MAPK9: variants seen among roughly 807,000 people sequenced by gnomAD.
MAPK9 encodes the protein mitogen-activated protein kinase 9.
Under a neutral mutation model 57.1 loss-of-function variants are expected in MAPK9, and 30 were observed. The observed-to-expected ratio is 0.53, with a 90% CI of 0.39 to 0.71. The LOEUF is 0.71. MAPK9 is among the 30% of genes least tolerant of loss of function. The pLI is 0.00. For synonymous variants in MAPK9, 155 were observed against 177.0 expected (o/e 0.88, Z 0.99); for missense variants, 362 against 521.0 (o/e 0.69, Z 2.97).
intron 7 of MAPK9, among the ~76,000 whole-genome samples, chr5:180,243,483 T>G (rs907152081): frequency 1.3e-5 from 2 of 152,168 alleles, no homozygotes; most frequent in Non-Finnish European, 2.9e-5. Flanking sequence ...TTGTTAGGCT[T>G]GGGATAATTA....
At chr5:180,267,827 A>G (rs1760797080) in intron 3 of MAPK9, among the ~76,000 whole-genome samples, 1 of 152,024 alleles carries the variant, frequency 6.6e-6, no homozygotes, top group Non-Finnish European at 1.5e-5. Flanking sequence ...AACAAAACAA[A>G]AAAAACCAGA....
intron 5 of MAPK9, among the ~76,000 whole-genome samples, chr5:180,252,475 C>T (rs1382893770): frequency 2.0e-5 from 3 of 152,168 alleles, no homozygotes; most frequent in Non-Finnish European, 4.4e-5. Context: ...TCTCTGCTCC[C>T]CTGAGGCTTC....
Position 180,246,095 on chromosome 5 carries a change from CT to C in MAPK9, c.688+1343del, listed in dbSNP as rs1758069684. ...AGTACTCACATTTTTCATTTTTGTA[CT>C]TTTTGAAGAAAACATTTTGTAATAA... On this transcript the variant is annotated intron_variant, in intron 7 of 11. Transcript: ENST00000452135. The C allele has an allele frequency of 3.3e-5, 5 of 152,240 alleles. No homozygotes were observed. In the South Asian group the frequency reaches 1.0e-3, roughly 32 times the overall value. 9.4% of individuals were successfully genotyped at this position (152,240 alleles called of 1,614,324 possible). A position where few individuals can be genotyped will look rare whatever the true frequency, so the allele number is the denominator to read the frequency against.
intron 5 of MAPK9, among the ~76,000 whole-genome samples, chr5:180,252,466 C>A (rs1018294500): frequency 6.6e-6 from 1 of 152,188 alleles, no homozygotes. Context: ...ATACCACTGT[C>A]TCTGCTCCCC....
At chr5:180,258,155 G>A (rs1408905310) in intron 5 of MAPK9, 1 of 152,222 alleles carries the variant, frequency 6.6e-6, no homozygotes, top group Non-Finnish European at 1.5e-5. Context: ...TGGAAGAAAG[G>A]TGGTAAAGCC....
intron 3 of MAPK9, among the ~76,000 whole-genome samples, chr5:180,266,663 G>A (rs1352666167): frequency 6.6e-6 from 1 of 151,462 alleles, no homozygotes; most frequent in Non-Finnish European, 1.5e-5. Context: ...TTGTTGCCCA[G>A]GTGTGCCTTA....
rs768218980 is a variant in MAPK9 at position 180,239,926 on chromosome 5, T to C, written c.1058A>G (p.Lys353Arg). ...ATCAAAATAAGCTCCATCTTTACCTTTCCATTCTTCAATTGCATGTTCTCT... is the reference window on the plus strand; with the variant it reads ...ATCAAAATAAGCTCCATCTTTACCTCTCCATTCTTCAATTGCATGTTCTCT... ...EEREHAIEEWKELIYKEVMDW... is the reference protein window; with the variant it reads ...EEREHAIEEWRELIYKEVMDW... Residue 353 changes from lysine (K) to arginine (R), a missense_variant and splice_region_variant, in exon 10 of 12, where the codon AAA becomes AGA. By Grantham distance (26) the Lys-to-Arg change is conservative. Transcript: ENST00000452135. The C allele has an allele frequency of 3.7e-6, 6 of 1,613,206 alleles. No individual in the cohort carries two copies. The highest frequency in any genetic ancestry group is 1.7e-5 in the Admixed American group (1 of 60,010).
chr5:180,241,980 A>C (rs1374665758), intron 8 of MAPK9, among the ~76,000 whole-genome samples: 3 of 152,246 alleles, frequency 2.0e-5, no homozygotes, highest in Non-Finnish European at 4.4e-5. Flanking sequence ...CAGTGCTGGC[A>C]ACTTACACTT....
intron 2 of MAPK9, among the ~76,000 whole-genome samples, chr5:180,279,294 C>T (rs138043796): frequency 1.2e-4 from 18 of 152,210 alleles, no homozygotes; most frequent in African/African-American, 3.4e-4. Context: ...ATTTAAGTGC[C>T]GATACAGCAT....
chr5:180,279,010 T>C (rs1023068504), intron 2 of MAPK9, among the ~76,000 whole-genome samples: 14 of 149,398 alleles, frequency 9.4e-5, no homozygotes, highest in South Asian at 4.2e-4. Context: ...CAGGCTGGAG[T>C]GCAGTGGCGC....
chr5:180,250,640 T>G (rs1026924291), intron 5 of MAPK9, among the ~76,000 whole-genome samples: 6 of 152,118 alleles, frequency 3.9e-5, no homozygotes, highest in African/African-American at 9.7e-5. Flanking sequence ...ATTTCGACAT[T>G]GACAACAGGT....
chr5:180,247,785 C>G lies in MAPK9; in HGVS notation c.617-275G>C. The G allele has an allele frequency of 6.0e-6, 9 of 1,496,468 alleles. No homozygotes were observed. Among genetic ancestry groups the G allele is most frequent in the Non-Finnish European group, 8.4e-6 (9 of 1,073,792 alleles). 92.7% of individuals were successfully genotyped at this position (1,496,468 alleles called of 1,614,324 possible). A position where few individuals can be genotyped will look rare whatever the true frequency, so the allele number is the denominator to read the frequency against. On this transcript the variant is annotated intron_variant, in intron 6 of 11. Coordinates refer to ENST00000452135, the MANE Select transcript of MAPK9 (RefSeq NM_002752.5). The surrounding 1 kb of genome is among the most constrained non-coding windows in gnomAD (Gnocchi z 4.5). The stretch of plus-strand genomic sequence containing the variant: ...CAGAAACAAGAAGTGCCTGTGAACA[C>G]AAAGCTTTTCAGGGCCACACGCCCA...
intron 6 of MAPK9, 56 bp downstream of exon 6, chr5:180,248,917 C>A: frequency 1.3e-6 from 2 of 1,518,884 alleles, no homozygotes; most frequent in South Asian, 2.6e-5. Context: ...AACTCGAGAC[C>A]ACCGCTAGAG....
intron 7 of MAPK9, among the ~76,000 whole-genome samples, chr5:180,243,766 T>TG (rs1279408061): frequency 6.6e-6 from 1 of 152,184 alleles, no homozygotes; most frequent in African/African-American, 2.4e-5. Context: ...TCATACATAT[T>TG]GTCAAATCAG....
intron 3 of MAPK9, among the ~76,000 whole-genome samples, chr5:180,267,030 A>G (rs1760634806): frequency 6.6e-6 from 1 of 152,138 alleles, no homozygotes; most frequent in Non-Finnish European, 1.5e-5. Context: ...GCTCATATCT[A>G]TGTTCATTAA....
chr5:180,237,141 T>C (rs1757236018), intron 11 of MAPK9: 1 of 152,230 alleles, frequency 6.6e-6, no homozygotes, highest in South Asian at 2.1e-4. Flanking sequence ...TTAGTCTGGT[T>C]TGAATAAAAA....
At chr5:180,267,454 C>T (rs547143098) in intron 3 of MAPK9, among the ~76,000 whole-genome samples, 111 of 148,818 alleles carry the variant, frequency 7.5e-4, no homozygotes, top group African/African-American at 2.3e-3. Flanking sequence ...CCCGGCTACT[C>T]GGGAGGCTGA....
chr5:180,281,558 T>G (rs1436474638), intron 1 of MAPK9, among the ~76,000 whole-genome samples: 1 of 152,248 alleles, frequency 6.6e-6, no homozygotes, highest in African/African-American at 2.4e-5. Context: ...GTAAACATTC[T>G]ATACCGTTTA....
chr5:180,234,265 C>G lies in MAPK9; in HGVS notation c.*2119G>C, dbSNP rs566617594. On this transcript the variant is annotated 3_prime_UTR_variant, in exon 12 of 12. Coordinates refer to ENST00000452135, the MANE Select transcript of MAPK9 (RefSeq NM_002752.5). ...AACATCAGCATTTATCCATAGAGATCAGTTTGAAACCATTTGCGTGGCACC... is the reference window on the plus strand; with the variant it reads ...AACATCAGCATTTATCCATAGAGATGAGTTTGAAACCATTTGCGTGGCACC... 1 of 152,324 alleles carries G rather than the reference C, an allele frequency of 6.6e-6. No individual in the cohort carries two copies. The highest frequency in any genetic ancestry group is 2.1e-4 in the South Asian group (1 of 4,826). 9.4% of individuals were successfully genotyped at this position (152,324 alleles called of 1,614,324 possible).
Sources: gnomAD v4.1 joint callset for allele counts (sites outside exome capture counted in the v4.1 genomes callset) on GRCh38, gnomAD v4.1.1 for gene constraint, Gnocchi (gnomAD v3.1) non-coding constraint, MANE v1.5 for transcripts, NCBI Gene and HGNC (gene_info 2026-07-23, HGNC 2026-07-21) for gene names.